The following CSMD1 variants were observed in gnomAD, a reference collection of about 807,000 sequenced individuals.
The protein encoded by CSMD1 is CUB and Sushi multiple domains 1.
Under a neutral mutation model 417.5 loss-of-function variants are expected in CSMD1, and 213 were observed. That is an observed-to-expected ratio of 0.51 (90% CI 0.46 to 0.57). The LOEUF (loss-of-function observed/expected upper bound fraction) is 0.57, where lower values mean the gene tolerates loss of function less well. Among genes scored for constraint, CSMD1 ranks in the 20% least tolerant of loss-of-function variants. The pLI is 0.00. For synonymous variants in CSMD1, 2,862 were observed against 1,736.8 expected, an observed-to-expected ratio of 1.65 and a Z score of -16.11; for missense variants, 6,923 against 4,529.7, an observed-to-expected ratio of 1.53 and a Z score of -15.17.
Position 3,127,753 on chromosome 8 carries a change from A to T in CSMD1, c.6242-9166T>A, listed in dbSNP as rs182805287. 24 of 152,318 alleles carry T rather than the reference A, an allele frequency of 1.6e-4. 1 individual carries two copies. The highest frequency in any genetic ancestry group is 5.8e-4 in the African/African-American group (24 of 41,582). The allele number at this position is 152,318 out of a possible 1,614,324, so 9.4% of individuals were successfully genotyped here. On this transcript the variant is annotated intron_variant, in intron 41 of 69. Coordinates refer to ENST00000635120, the MANE Select transcript of CSMD1 (RefSeq NM_033225.6). ...TTAAAATTATCTTTGAGATTTTGGC[A>T]TTGAATAAGTTTTCTTTCCCAAAAA...
intron 4 of CSMD1, among the ~76,000 whole-genome samples, chr8:4,025,124 G>A (rs770302903): frequency 6.6e-6 from 1 of 152,254 alleles, no homozygotes; most frequent in African/African-American, 2.4e-5. Context: ...GGGGCTGCAA[G>A]AGATGTTGAG....
At chr8:3,000,544 C>G (rs1336200157) in intron 52 of CSMD1, among the ~76,000 whole-genome samples, 1 of 152,082 alleles carries the variant, frequency 6.6e-6, no homozygotes, top group African/African-American at 2.4e-5. Flanking sequence ...GTGAGGGGGG[C>G]TTCCAGTCAG....
chr8:3,365,079 G>C (rs760189466), intron 20 of CSMD1, among the ~76,000 whole-genome samples: 22 of 152,166 alleles, frequency 1.4e-4, no homozygotes, highest in Non-Finnish European at 2.4e-4. Flanking sequence ...AAGAACTGGA[G>C]GAAGTGATAT....
intron 1 of CSMD1, among the ~76,000 whole-genome samples, chr8:4,854,812 T>C (rs186169859): frequency 3.2e-4 from 49 of 152,188 alleles, no homozygotes; most frequent in Admixed American, 2.0e-3. Flanking sequence ...GAGATCAAAC[T>C]GCAAGGCAGC....
intron 10 of CSMD1, among the ~76,000 whole-genome samples, chr8:3,523,128 C>T (rs978359813): frequency 6.6e-6 from 1 of 151,894 alleles, no homozygotes; most frequent in Non-Finnish European, 1.5e-5. Context: ...TTTTCCTAAA[C>T]ACGTAGAAAA....
intron 1 of CSMD1, among the ~76,000 whole-genome samples, chr8:4,947,697 A>G (rs1217178351): frequency 6.6e-6 from 1 of 152,128 alleles, no homozygotes; most frequent in Non-Finnish European, 1.5e-5. Flanking sequence ...TAAATTCATC[A>G]TAAATATATT....
intron 3 of CSMD1, among the ~76,000 whole-genome samples, chr8:4,039,120 C>G (rs925242598): frequency 3.3e-5 from 5 of 152,142 alleles, no homozygotes; most frequent in East Asian, 1.9e-4. Flanking sequence ...TAAAATTCAT[C>G]AAAGCAACGG....
At chr8:4,457,064 T>C (rs1291874740) in intron 2 of CSMD1, among the ~76,000 whole-genome samples, 3 of 151,180 alleles carry the variant, frequency 2.0e-5, no homozygotes, top group African/African-American at 4.9e-5. Flanking sequence ...TTAAGCCCCA[T>C]ACCAGGTGTG....
intron 3 of CSMD1, among the ~76,000 whole-genome samples, chr8:4,145,575 G>C (rs1046392308): frequency 1.3e-5 from 2 of 150,850 alleles, no homozygotes; most frequent in Admixed American, 6.6e-5. Context: ...TTTTTGTGGA[G>C]AGACGGTCTC....
intron 3 of CSMD1, among the ~76,000 whole-genome samples, chr8:4,285,948 C>A (rs755368946): frequency 6.6e-6 from 1 of 152,104 alleles, no homozygotes; most frequent in African/African-American, 2.4e-5. Context: ...TATGATATAT[C>A]CGCAATGCTA....
chr8:4,402,063 A>G (rs1300205603), intron 3 of CSMD1, among the ~76,000 whole-genome samples: 5 of 151,848 alleles, frequency 3.3e-5, no homozygotes, highest in African/African-American at 1.2e-4. Flanking sequence ...GGTCCTTCTA[A>G]CCCCATGGCT....
intron 17 of CSMD1, among the ~76,000 whole-genome samples, chr8:3,389,189 T>G (rs1431971960): frequency 6.6e-6 from 1 of 152,126 alleles, no homozygotes; most frequent in Non-Finnish European, 1.5e-5. Context: ...TCATGGGAGT[T>G]TGTTGTACAG....
chr8:3,609,298 C>T (rs1801774166), intron 8 of CSMD1, among the ~76,000 whole-genome samples: 1 of 152,252 alleles, frequency 6.6e-6, no homozygotes, highest in Non-Finnish European at 1.5e-5. Flanking sequence ...ATCTGAGCTC[C>T]CTCCCTCAGA....
intron 3 of CSMD1, among the ~76,000 whole-genome samples, chr8:4,213,627 T>A (rs1054537910): frequency 6.6e-6 from 1 of 152,212 alleles, no homozygotes; most frequent in African/African-American, 2.4e-5. Context: ...TAATGAATTT[T>A]AAAATGCAGA....
At chr8:4,406,246 G>C (rs1421100687) in intron 3 of CSMD1, among the ~76,000 whole-genome samples, 1 of 152,034 alleles carries the variant, frequency 6.6e-6, no homozygotes, top group Non-Finnish European at 1.5e-5. Context: ...GGTGCAAGTG[G>C]CTCTCCTGGT....
chr8:3,837,197 G>C (rs183776759), intron 5 of CSMD1, among the ~76,000 whole-genome samples: 2 of 151,978 alleles, frequency 1.3e-5, no homozygotes, highest in African/African-American at 4.8e-5. Flanking sequence ...TGTGGTCAAA[G>C]AAAACATTGG....
At chr8:2,974,002 T>C (rs1804696987) in intron 56 of CSMD1, among the ~76,000 whole-genome samples, 4 of 139,998 alleles carry the variant, frequency 2.9e-5, no homozygotes, top group Admixed American at 6.8e-5. Flanking sequence ...AGGATGATGG[T>C]AGAGGATGAT....
chr8:3,987,613 G>A (rs1306249474), intron 5 of CSMD1, among the ~76,000 whole-genome samples: 3 of 152,188 alleles, frequency 2.0e-5, no homozygotes, highest in Non-Finnish European at 4.4e-5. Flanking sequence ...GGCCAATTCT[G>A]AGAACTGTGA....
chr8:4,174,111 G>A (rs912487329), intron 3 of CSMD1, among the ~76,000 whole-genome samples: 1 of 152,250 alleles, frequency 6.6e-6, no homozygotes, highest in East Asian at 1.9e-4. Context: ...AGAGTGGAGG[G>A]TAGGGCAAGC....
Sources: gnomAD v4.1 joint callset for allele counts (sites outside exome capture counted in the v4.1 genomes callset) on GRCh38, gnomAD v4.1.1 for gene constraint, MANE v1.5 for transcripts, NCBI Gene and HGNC (gene_info 2026-07-23, HGNC 2026-07-21) for gene names.